The following PTPN11 variants were observed in gnomAD, a reference collection of about 807,000 sequenced individuals.
PTPN11 encodes the protein protein tyrosine phosphatase non-receptor type 11.
A neutral mutation model predicts 78.8 loss-of-function variants in PTPN11; 6 were observed. That is an observed-to-expected ratio of 0.08 (90% confidence interval 0.04 to 0.15). The LOEUF (loss-of-function observed/expected upper bound fraction) is 0.15, where lower values mean the gene tolerates loss of function less well. Ranked by LOEUF, PTPN11 falls within the 10% of genes least tolerant of loss-of-function variation. The pLI is 1.00. For synonymous variants in PTPN11, 221 were observed against 263.5 expected (o/e 0.84, Z 1.56); for missense variants, 386 against 744.8 (o/e 0.52, Z 5.61).
intron 6 of PTPN11, among the ~76,000 whole-genome samples, chr12:112,465,532 C>T (rs1244702194): frequency 4.6e-5 from 7 of 152,054 alleles, no homozygotes; most frequent in African/African-American, 9.7e-5. Flanking sequence ...ACATTGCAAC[C>T]GACTGCAAGG....
intron 1 of PTPN11, among the ~76,000 whole-genome samples, chr12:112,430,792 A>G (rs2037701476): frequency 6.6e-6 from 1 of 151,472 alleles, no homozygotes; most frequent in South Asian, 2.1e-4. Context: ...ACTGCAAGTT[A>G]GTTTCAGATA....
intron 1 of PTPN11, among the ~76,000 whole-genome samples, chr12:112,424,918 T>C (rs1224978202): frequency 1.4e-5 from 2 of 139,890 alleles, no homozygotes; most frequent in Admixed American, 7.5e-5. Context: ...TGTGTGTGTG[T>C]GCTGGGACTG....
intron 1 of PTPN11, among the ~76,000 whole-genome samples, chr12:112,442,874 A>ATATATG: frequency 1.3e-5 from 1 of 76,568 alleles, no homozygotes; most frequent in South Asian, 4.2e-4. Flanking sequence ...ATATATATAT[A>ATATATG]TATAAATTAT....
chr12:112,460,367 CCT>C (rs1331376893), intron 6 of PTPN11, among the ~76,000 whole-genome samples: 2 of 152,046 alleles, frequency 1.3e-5, no homozygotes, highest in African/African-American at 4.8e-5. Context: ...ATCAATTATC[CCT>C]GTCATCATAT....
Position 112,419,136 on chromosome 12 carries a change from C to A in PTPN11, c.14+11C>A, listed in dbSNP as rs1486505121. On this transcript the variant is annotated intron_variant, in intron 1 of 15. Coordinates refer to ENST00000351677, the MANE Select transcript of PTPN11 (RefSeq NM_002834.5). The stretch of plus-strand genomic sequence containing the variant: ...CATGACATCGCGGAGGTGAGGAGCC[C>A]CGAGGGGCCCGGCGCGGGCCTCGGC... 1.3e-5 allele frequency: 20 copies of A among 1,511,942 alleles called. No homozygotes were observed. Among genetic ancestry groups the A allele is most frequent in the Non-Finnish European group, 1.6e-5 (18 of 1,133,350 alleles). The allele number at this position is 1,511,942 out of a possible 1,614,324, so 93.7% of individuals were successfully genotyped here.
chr12:112,482,125 G>A lies in PTPN11; in HGVS notation c.1144G>A (p.Val382Ile), dbSNP rs1214510641. 8 of 1,597,370 alleles carry A rather than the reference G, an allele frequency of 5.0e-6. No individual in the cohort carries two copies. The Middle Eastern group carries it at 5.0e-4, about 99-fold the overall frequency. Residue 382 changes from valine (V) to isoleucine (I), a missense_variant, in exon 10 of 16, where the codon GTC becomes ATC. By Grantham distance (29) the Val-to-Ile change is conservative. This residue lies in a region of PTPN11 where 279 missense variants were observed against 503.3 expected (regional missense o/e 0.55). Transcript: ENST00000351677. This position sits in a 1 kb window ranked among gnomAD's most constrained non-coding sequence, Gnocchi z 4.4. Reference protein sequence around the residue: ...PDEYALKEYGVMRVRNVKESA... With the variant: ...PDEYALKEYGIMRVRNVKESA... ...TGAGTATGCTCTAAAAGAATATGGC[G>A]TCATGCGTGTTAGGAACGTCAAAGA...
chr12:112,432,668 C>CAAAA (rs558861452), intron 1 of PTPN11, among the ~76,000 whole-genome samples: 1 of 60,208 alleles, frequency 1.7e-5, no homozygotes, highest in Non-Finnish European at 3.6e-5. Flanking sequence ...AACTCCATCT[C>CAAAA]AAAAAAAAAA....
At chr12:112,462,103 A>G (rs968632610) in intron 6 of PTPN11, among the ~76,000 whole-genome samples, 2 of 152,194 alleles carry the variant, frequency 1.3e-5, no homozygotes, top group African/African-American at 4.8e-5. Flanking sequence ...CACGCCTATA[A>G]TCCCAGTACT....
At chr12:112,456,611 C>T (rs1020385879) in intron 6 of PTPN11, among the ~76,000 whole-genome samples, 1 of 151,772 alleles carries the variant, frequency 6.6e-6, no homozygotes, top group African/African-American at 2.4e-5. Context: ...AGGCACATGC[C>T]CCTATGCCTG....
chr12:112,470,925 T>C (rs926059108), intron 6 of PTPN11, among the ~76,000 whole-genome samples: 2 of 152,236 alleles, frequency 1.3e-5, no homozygotes, highest in African/African-American at 4.8e-5. Flanking sequence ...TAAGACTGGC[T>C]CACAGTCCAA....
At chr12:112,456,208 G>T in intron 6 of PTPN11, 145 bp downstream of exon 6, 1 of 689,800 alleles carries the variant, frequency 1.4e-6, no homozygotes, top group Non-Finnish European at 2.7e-6. Flanking sequence ...CACGGAGCAA[G>T]TTGCTGAGAG....
rs1315884660 is a variant in PTPN11, at chr12:112,509,580, GGA to G, written c.*3789_*3790del. 3 of 152,564 alleles carry G rather than the reference GGA, an allele frequency of 2.0e-5. No individual in the cohort carries two copies. Among genetic ancestry groups the G allele is most frequent in the Non-Finnish European group, 4.4e-5 (3 of 68,034 alleles). 9.5% of individuals were successfully genotyped at this position (152,564 alleles called of 1,614,324 possible). A position where few individuals can be genotyped will look rare whatever the true frequency, so the allele number is the denominator to read the frequency against. ...TTATTGATAAATCTATCCTTTAAAA[GGA>G]ATACGTTTTAGGATGTCATCATTTT... On this transcript the variant is annotated 3_prime_UTR_variant, in exon 16 of 16. Transcript: ENST00000351677.
intron 1 of PTPN11, among the ~76,000 whole-genome samples, chr12:112,427,400 G>A (rs2037635010): frequency 6.6e-6 from 1 of 151,612 alleles, no homozygotes; most frequent in South Asian, 2.1e-4. Context: ...CAAACAATTA[G>A]CCAGGCCTGG....
chr12:112,440,563 C>CTTTTTT (rs772805515), intron 1 of PTPN11, among the ~76,000 whole-genome samples: 2 of 90,720 alleles, frequency 2.2e-5, no homozygotes, highest in Non-Finnish European at 4.4e-5. Context: ...TGTGCCTGGC[C>CTTTTTT]TTTTTTTTTT....
intron 6 of PTPN11, among the ~76,000 whole-genome samples, chr12:112,458,324 C>T (rs2038195263): frequency 6.6e-6 from 1 of 152,268 alleles, no homozygotes; most frequent in African/African-American, 2.4e-5. Context: ...CATCCTCCCA[C>T]CTCAGCCTCC....
chr12:112,482,667 G>A lies in PTPN11; in HGVS notation c.1224+462G>A, dbSNP rs543718666. Among the ~76,000 whole-genome samples, 27 of 152,232 alleles carry A rather than the reference G, an allele frequency of 1.8e-4. No individual in the cohort carries two copies. The highest frequency in any genetic ancestry group is 2.2e-4 in the Non-Finnish European group (15 of 68,008). The stretch of plus-strand genomic sequence containing the variant: ...CAGACTTCAGCAGTTGTTCTTTTTT[G>A]TTCCTTCCTTTGGAATGGAATATTA... On this transcript the variant is annotated intron_variant, in intron 10 of 15. Transcript: ENST00000351677. This position sits in a 1 kb window ranked among gnomAD's most constrained non-coding sequence, Gnocchi z 4.4.
chr12:112,432,668 CA>C (rs558861452), intron 1 of PTPN11, among the ~76,000 whole-genome samples: 2,420 of 60,194 alleles, frequency 0.04, 61 homozygotes, highest in African/African-American at 0.12. Flanking sequence ...AACTCCATCT[CA>C]AAAAAAAAAA....
At chr12:112,429,808 A>C (rs1313831133) in intron 1 of PTPN11, among the ~76,000 whole-genome samples, 1 of 151,206 alleles carries the variant, frequency 6.6e-6, no homozygotes, top group East Asian at 1.9e-4. Flanking sequence ...GTCTCAAAAA[A>C]AAAAACAACA....
chr12:112,468,836 G>A (rs12823490), intron 6 of PTPN11, among the ~76,000 whole-genome samples: 2 of 152,230 alleles, frequency 1.3e-5, no homozygotes, highest in African/African-American at 2.4e-5. Context: ...GGCTGAGGCC[G>A]GAGGAGGGCT....
Sources: gnomAD v4.1 joint callset for allele counts (sites outside exome capture counted in the v4.1 genomes callset) on GRCh38, gnomAD v4.1.1 for gene constraint, gnomAD v4.1.1 regional missense constraint, Gnocchi (gnomAD v3.1) non-coding constraint, MANE v1.5 for transcripts, NCBI Gene and HGNC (gene_info 2026-07-23, HGNC 2026-07-21) for gene names.